Variants in ZRANB3 observed in about 807,000 individuals in gnomAD.
ZRANB3 encodes zinc finger RANBP2-type containing 3.
In ZRANB3, 125 loss-of-function variants were observed where a neutral mutation model predicts 133.8. The observed-to-expected ratio is 0.93, with a 90% CI of 0.81 to 1.08. ZRANB3 has a LOEUF of 1.08. Ranked by LOEUF, ZRANB3 falls within the 50% of genes least tolerant of loss-of-function variation. ZRANB3 has a pLI of 0.00. For synonymous variants in ZRANB3, 387 were observed against 432.7 expected (o/e 0.89, Z 1.31); for missense variants, 1,229 against 1,275.5 (o/e 0.96, Z 0.56).
intron 2 of ZRANB3, among the ~76,000 whole-genome samples, chr2:135,478,098 T>C (rs1691579332): frequency 1.3e-5 from 2 of 152,114 alleles, no homozygotes; most frequent in Non-Finnish European, 2.9e-5. Context: ...CTTATTAGAA[T>C]TTTTCTTTTT....
intron 1 of ZRANB3, among the ~76,000 whole-genome samples, chr2:135,505,246 C>G (rs1435240492): frequency 6.6e-6 from 1 of 151,990 alleles, no homozygotes; most frequent in Non-Finnish European, 1.5e-5. Flanking sequence ...TTAGATGGTA[C>G]CCTGCCTTCT....
At chr2:135,424,593 C>T (rs987397066) in intron 2 of ZRANB3, among the ~76,000 whole-genome samples, 1 of 152,084 alleles carries the variant, frequency 6.6e-6, no homozygotes, top group Non-Finnish European at 1.5e-5. Context: ...ATTAGCCGAG[C>T]ATGGTGGAAG....
chr2:135,474,447 G>C (rs1396965757), intron 2 of ZRANB3, among the ~76,000 whole-genome samples: 1 of 151,950 alleles, frequency 6.6e-6, no homozygotes, highest in African/African-American at 2.4e-5. Context: ...CTGGCTCATG[G>C]GGGTGTGGTG....
At chr2:135,217,669 G>T in intron 16 of ZRANB3, 62 bp from the exon 17 acceptor site, 1 of 1,560,202 alleles carries the variant, frequency 6.4e-7, no homozygotes, top group Non-Finnish European at 8.6e-7. Flanking sequence ...CTTTGAATGT[G>T]AGCCTATTTA....
intron 2 of ZRANB3, among the ~76,000 whole-genome samples, chr2:135,479,649 G>C (rs1190610686): frequency 1.3e-5 from 2 of 151,844 alleles, no homozygotes; most frequent in Non-Finnish European, 2.9e-5. Flanking sequence ...CTGGGTGACA[G>C]AGCGAGACTA....
intron 2 of ZRANB3, among the ~76,000 whole-genome samples, chr2:135,409,564 C>G (rs547291185): frequency 6.6e-6 from 1 of 151,976 alleles, no homozygotes; most frequent in Non-Finnish European, 1.5e-5. Flanking sequence ...AGTGTTCCAC[C>G]GAAGAACTGG....
At chr2:135,238,715 C>T (rs1023817382) in intron 12 of ZRANB3, 2 of 152,334 alleles carry the variant, frequency 1.3e-5, no homozygotes, top group African/African-American at 4.8e-5. Context: ...ATGGCTTCAA[C>T]TTGGCTGGCC....
intron 2 of ZRANB3, among the ~76,000 whole-genome samples, chr2:135,413,400 C>T (rs1688400817): frequency 6.6e-6 from 1 of 152,106 alleles, no homozygotes; most frequent in Non-Finnish European, 1.5e-5. Context: ...GTTTTAAGGC[C>T]AATCACATTT....
At chr2:135,435,360 A>G (rs779607914) in intron 2 of ZRANB3, among the ~76,000 whole-genome samples, 1 of 152,274 alleles carries the variant, frequency 6.6e-6, no homozygotes, top group East Asian at 1.9e-4. Flanking sequence ...TCCATGGTGT[A>G]TATGTATCAC....
rs1381810815 is a variant in ZRANB3, at chr2:135,205,575, C to T, written c.3009+1859G>A. 5.3e-5 allele frequency among the ~76,000 whole-genome samples: 8 copies of T among 152,220 alleles called. No homozygotes were observed. The East Asian group carries it at 1.4e-3, about 26-fold the overall frequency. ...TCCACTATATTGCTCAGGCTGGTAA[C>T]TCTTGGCTCAAGCAATCCTCCCGCC... On this transcript the variant is annotated intron_variant, in intron 19 of 20. Coordinates refer to ENST00000264159, the MANE Select transcript of ZRANB3 (RefSeq NM_032143.4).
In ZRANB3 at chr2:135,227,774, G is replaced by C. The variant is rs547892998; in HGVS notation, c.2158+38C>G. On this transcript the variant is annotated intron_variant, in intron 14 of 20. Transcript: ENST00000264159. ...ACAGTATTATGTGTGAAAGTATATG[G>C]TTATTACTTGGATGCTAGAAATGGA... 2.6e-6 allele frequency: 4 copies of C among 1,535,696 alleles called. No individual in the cohort carries two copies. In the African/African-American group the frequency reaches 5.5e-5, roughly 21 times the overall value.
chr2:135,389,246 A>G lies in ZRANB3; in HGVS notation c.180+1556T>C, dbSNP rs1482543313. On this transcript the variant is annotated intron_variant, in intron 3 of 20. Transcript: ENST00000264159. ...TGGCAATGACTCTTTTTCTAATTAT[A>G]ACATCTAGTCTAAATAAACACCTAT... Among the ~76,000 whole-genome samples, 3 of 152,232 alleles carry G rather than the reference A, an allele frequency of 2.0e-5. No homozygotes were observed. The East Asian group carries it at 5.8e-4, about 29-fold the overall frequency.
chr2:135,295,561 C>G lies in ZRANB3; in HGVS notation c.966+17928G>C, dbSNP rs1573855352. On this transcript the variant is annotated intron_variant, in intron 8 of 20. Coordinates refer to ENST00000264159, the MANE Select transcript of ZRANB3 (RefSeq NM_032143.4). The stretch of plus-strand genomic sequence containing the variant: ...GCCAGTCTGTGTCTTTTAATTGGAG[C>G]ATTTAGCCCATTTACATTTAAGGTT... 2.6e-5 allele frequency among the ~76,000 whole-genome samples: 4 copies of G among 152,244 alleles called. No individual in the cohort carries two copies. The East Asian group carries it at 7.7e-4, about 29-fold the overall frequency.
intron 2 of ZRANB3, among the ~76,000 whole-genome samples, chr2:135,501,888 C>T (rs1321661316): frequency 2.0e-5 from 3 of 152,200 alleles, no homozygotes; most frequent in South Asian, 2.1e-4. Flanking sequence ...ATACCAAGCT[C>T]GGCCATTTTG....
intron 2 of ZRANB3, among the ~76,000 whole-genome samples, chr2:135,489,007 A>G (rs1483138364): frequency 1.3e-5 from 2 of 152,066 alleles, no homozygotes; most frequent in Non-Finnish European, 2.9e-5. Flanking sequence ...AAACAGTGTC[A>G]TAAGGAGAAT....
intron 2 of ZRANB3, among the ~76,000 whole-genome samples, chr2:135,483,122 C>T (rs1162877093): frequency 6.6e-6 from 1 of 151,962 alleles, no homozygotes; most frequent in African/African-American, 2.4e-5. Context: ...CAGAATGATG[C>T]TGGCCTCATA....
At position 135,378,418 on chromosome 2, in the gene ZRANB3, G is replaced by A. The variant is rs556982993; in HGVS notation, c.180+12384C>T. 6.6e-5 allele frequency among the ~76,000 whole-genome samples: 10 copies of A among 152,006 alleles called. No homozygotes were observed. In the South Asian group the frequency reaches 1.5e-3, roughly 22 times the overall value. ...TGAGGCAGGAGAATTGCTTGAACCC[G>A]GGAGACAGAGGTTGCAGTGGCCGAG... On this transcript the variant is annotated intron_variant, in intron 3 of 20. Transcript: ENST00000264159.
chr2:135,502,028 A>C (rs1692971932), intron 2 of ZRANB3, among the ~76,000 whole-genome samples: 1 of 152,184 alleles, frequency 6.6e-6, no homozygotes, highest in Non-Finnish European at 1.5e-5. Flanking sequence ...GAAAAAAATA[A>C]CTATTACAGC....
intron 6 of ZRANB3, among the ~76,000 whole-genome samples, chr2:135,323,988 C>T (rs1408175938): frequency 7.2e-5 from 11 of 152,068 alleles, no homozygotes; most frequent in East Asian, 5.8e-4. Flanking sequence ...AGGCTGGTCT[C>T]GAACTCCTGA....
Sources: allele counts gnomAD v4.1 joint callset (sites outside exome capture counted in the v4.1 genomes callset), GRCh38; gene constraint gnomAD v4.1.1; transcripts MANE v1.5; gene names NCBI Gene and HGNC (gene_info 2026-07-23, HGNC 2026-07-21).